NOL4: variants seen among roughly 807,000 people sequenced by gnomAD.
The protein encoded by NOL4 is nucleolar protein 4, also known as cancer/testis antigen 125.
NOL4 carries 17 observed loss-of-function variants against 75.9 expected under a neutral mutation model. The observed-to-expected ratio is 0.22, with a 90% confidence interval of 0.15 to 0.34. The LOEUF (loss-of-function observed/expected upper bound fraction) is 0.34, where lower values mean the gene tolerates loss of function less well. Among genes scored for constraint, NOL4 ranks in the 10% least tolerant of loss-of-function variants. The pLI is 1.00. For missense variants in NOL4, 614 were observed against 793.5 expected (o/e 0.77, Z 2.72); for synonymous variants, 292 against 289.9 (o/e 1.01, Z -0.07).
At chr18:33,862,527 A>T (rs1032041100) in intron 10 of NOL4, among the ~76,000 whole-genome samples, 11 of 152,196 alleles carry the variant, frequency 7.2e-5, no homozygotes, top group Admixed American at 3.3e-4. Context: ...CTCATCTGAC[A>T]AAGGGCTAAT....
chr18:34,071,876 A>G (rs180762369), intron 5 of NOL4, among the ~76,000 whole-genome samples: 1 of 152,160 alleles, frequency 6.6e-6, no homozygotes, highest in Non-Finnish European at 1.5e-5. Flanking sequence ...TGAGGGGGGA[A>G]TGTACCTAAC....
chr18:33,947,723 C>T (rs181456128), intron 8 of NOL4, among the ~76,000 whole-genome samples: 5 of 151,892 alleles, frequency 3.3e-5, no homozygotes, highest in Admixed American at 3.3e-4. Flanking sequence ...CATTAATTAT[C>T]TCTTCATAAT....
At chr18:34,006,742 A>C (rs1215942210) in intron 6 of NOL4, among the ~76,000 whole-genome samples, 1 of 152,028 alleles carries the variant, frequency 6.6e-6, no homozygotes, top group Non-Finnish European at 1.5e-5. Flanking sequence ...CATTGGTCTT[A>C]CTATGTTCCC....
chr18:34,152,905 A>G (rs2081712961), intron 1 of NOL4, among the ~76,000 whole-genome samples: 1 of 151,898 alleles, frequency 6.6e-6, no homozygotes, highest in African/African-American at 2.4e-5. Context: ...ATTTTTAATA[A>G]CTTAGAGACT....
chr18:33,992,208 C>A (rs959951516), intron 6 of NOL4, among the ~76,000 whole-genome samples: 2 of 151,966 alleles, frequency 1.3e-5, no homozygotes, highest in East Asian at 1.9e-4. Context: ...AACGTTTCAA[C>A]CCTAAATCTA....
At chr18:33,978,544 T>C (rs2071688171) in intron 6 of NOL4, among the ~76,000 whole-genome samples, 1 of 152,114 alleles carries the variant, frequency 6.6e-6, no homozygotes, top group African/African-American at 2.4e-5. Flanking sequence ...ACTGCATGAG[T>C]TATTGATACA....
intron 2 of NOL4, among the ~76,000 whole-genome samples, chr18:34,119,163 G>C (rs1428781812): frequency 6.6e-6 from 1 of 152,106 alleles, no homozygotes; most frequent in Non-Finnish European, 1.5e-5. Context: ...AGACATACTG[G>C]CCTGCCTAAA....
chr18:34,204,863 A>G (rs1015876083), intron 1 of NOL4, among the ~76,000 whole-genome samples: 2 of 152,144 alleles, frequency 1.3e-5, no homozygotes, highest in African/African-American at 4.8e-5. Flanking sequence ...CACATGCATC[A>G]CATCACATGT....
chr18:34,089,806 A>G (rs1296524404), intron 5 of NOL4, among the ~76,000 whole-genome samples: 1 of 152,204 alleles, frequency 6.6e-6, no homozygotes, highest in African/African-American at 2.4e-5. Flanking sequence ...AACATTATGC[A>G]ATGCAGAGGA....
intron 1 of NOL4, among the ~76,000 whole-genome samples, chr18:34,211,247 CAAAT>C (rs1004253747): frequency 1.9e-4 from 29 of 152,120 alleles, no homozygotes; most frequent in African/African-American, 7.0e-4. Flanking sequence ...TAAGAACAAA[CAAAT>C]AAACTAATTG....
chr18:34,203,717 T>TCTCTCTCTCACACACACA (rs1261546835), intron 1 of NOL4, among the ~76,000 whole-genome samples: 9 of 72,298 alleles, frequency 1.2e-4, no homozygotes, highest in East Asian at 5.0e-4. Flanking sequence ...TCTCTCTCTC[T>TCTCTCTCTCACACACACA]CACACACACA....
intron 6 of NOL4, among the ~76,000 whole-genome samples, chr18:34,012,823 A>C (rs1455556172): frequency 6.6e-6 from 1 of 152,022 alleles, no homozygotes; most frequent in Non-Finnish European, 1.5e-5. Context: ...TTTATCAAGA[A>C]GCTATCCACT....
chr18:34,004,563 G>A (rs945492937), intron 6 of NOL4, among the ~76,000 whole-genome samples: 11 of 152,006 alleles, frequency 7.2e-5, no homozygotes, highest in African/African-American at 2.7e-4. Context: ...TCAGGGCTTA[G>A]CATATAATAA....
chr18:34,142,572 A>G (rs1457888647), intron 1 of NOL4, among the ~76,000 whole-genome samples: 1 of 152,162 alleles, frequency 6.6e-6, no homozygotes, highest in Non-Finnish European at 1.5e-5. Flanking sequence ...TCAGCAAACT[A>G]TCGCAAGGAC....
intron 10 of NOL4, among the ~76,000 whole-genome samples, chr18:33,865,214 A>G (rs2063374548): frequency 1.3e-5 from 2 of 152,176 alleles, no homozygotes; most frequent in South Asian, 2.1e-4. Context: ...ACTTGGGTCC[A>G]GGATACCAAA....
intron 5 of NOL4, among the ~76,000 whole-genome samples, chr18:34,082,096 C>G (rs1180203364): frequency 1.3e-5 from 2 of 152,062 alleles, no homozygotes; most frequent in Non-Finnish European, 2.9e-5. Flanking sequence ...AAAATATTAG[C>G]TATATTATTA....
intron 1 of NOL4, chr18:34,222,606 C>T (rs1037959381): frequency 1.1e-5 from 4 of 374,690 alleles, no homozygotes; most frequent in Non-Finnish European, 1.1e-5. Flanking sequence ...CCAGCCTGGC[C>T]TTTAGGCGCG....
chr18:33,860,972 G>A (rs980877684), intron 10 of NOL4, among the ~76,000 whole-genome samples: 2 of 152,140 alleles, frequency 1.3e-5, no homozygotes, highest in Non-Finnish European at 2.9e-5. Flanking sequence ...ACTTGCATCC[G>A]AGGGATGAAG....
chr18:34,213,111 A>G (rs1027173523), intron 1 of NOL4, among the ~76,000 whole-genome samples: 2 of 152,096 alleles, frequency 1.3e-5, no homozygotes, highest in Non-Finnish European at 2.9e-5. Flanking sequence ...GACCACCACA[A>G]TGTACAAAAC....
Sources: gnomAD v4.1 joint callset for allele counts (sites outside exome capture counted in the v4.1 genomes callset) on GRCh38, gnomAD v4.1.1 for gene constraint, MANE v1.5 for transcripts, NCBI Gene and HGNC (gene_info 2026-07-23, HGNC 2026-07-21) for gene names.